DUSP16: variants seen among roughly 807,000 people sequenced by gnomAD.
DUSP16 encodes the protein dual specificity phosphatase 16.
Under a neutral mutation model 58.3 loss-of-function variants are expected in DUSP16, and 21 were observed. That is an observed-to-expected ratio of 0.36 (90% CI 0.26 to 0.52). The LOEUF is 0.52. DUSP16 is among the 20% of genes least tolerant of loss of function. The pLI is 0.94. For missense variants in DUSP16, 726 were observed against 819.0 expected (o/e 0.89, Z 1.39); for synonymous variants, 320 against 323.8 (o/e 0.99, Z 0.12).
chr12:12,524,734 CTATT>C lies in DUSP16; in HGVS notation c.-365-3275_-365-3272del, dbSNP rs1242286440. 3.3e-5 allele frequency among the ~76,000 whole-genome samples: 5 copies of C among 152,260 alleles called. No individual in the cohort carries two copies. The South Asian group carries it at 8.3e-4, about 25-fold the overall frequency. ...AGAGCAGACCAGCTTTGCTATTTAT[CTATT>C]TATTTAGCCAGCTGCTAAAGTTGAA... On this transcript the variant is annotated intron_variant, in intron 1 of 6. Transcript: ENST00000298573.
chr12:12,476,981 C>A lies in DUSP16; in HGVS notation c.1850G>T (p.Ser617Ile). 6.2e-7 allele frequency: 1 copy of A among 1,614,232 alleles called. No homozygotes were observed. Among genetic ancestry groups the A allele is most frequent in the Non-Finnish European group, 8.5e-7 (1 of 1,180,042 alleles). The change falls in exon 7 of 7, where the codon AGC becomes ATC. Residue 617 changes from serine (S) to isoleucine (I), a missense_variant. Transcript: ENST00000298573. ...ADSRRSWHEESPFEKQFKRRS... is the reference protein window; with the variant it reads ...ADSRRSWHEEIPFEKQFKRRS... Reference sequence around the variant, plus strand: ...GCGTTTAAACTGCTTTTCAAAGGGGCTCTCTTCATGCCAGCTCCGCCGCGA... The same window carrying A: ...GCGTTTAAACTGCTTTTCAAAGGGGATCTCTTCATGCCAGCTCCGCCGCGA...
intron 1 of DUSP16, among the ~76,000 whole-genome samples, chr12:12,552,139 G>T (rs1157523826): frequency 1.3e-5 from 2 of 152,128 alleles, no homozygotes; most frequent in African/African-American, 4.8e-5. Flanking sequence ...TTCAGATTCA[G>T]CAGTGCAACT....
At chr12:12,547,254 C>T (rs555887714) in intron 1 of DUSP16, among the ~76,000 whole-genome samples, 2 of 151,786 alleles carry the variant, frequency 1.3e-5, no homozygotes, top group Non-Finnish European at 2.9e-5. Context: ...CATGGCAAAA[C>T]CCCGTCTCTA....
At chr12:12,523,492 C>T (rs769012870) in intron 1 of DUSP16, among the ~76,000 whole-genome samples, 2 of 152,204 alleles carry the variant, frequency 1.3e-5, no homozygotes, top group Admixed American at 6.5e-5. Context: ...ACCTGAGATA[C>T]TGTCTCAACC....
rs1565964455 is a variant in DUSP16 at position 12,476,847 on chromosome 12, T to C, written c.1984A>G (p.Ile662Val). The C allele has an allele frequency of 6.2e-7, 1 of 1,604,260 alleles. No individual in the cohort carries two copies. The change falls in exon 7 of 7, where the codon ATT becomes GTT. Residue 662 changes from isoleucine to valine, a missense_variant. Ile to Val is a conservative substitution (Grantham distance 29). Transcript: ENST00000298573. ...QSSFSGSMEIIEVS is the reference protein window; with the variant it reads ...QSSFSGSMEIVEVS ...TGTCTTTCTTCTCAGGAGACCTCAA[T>C]GATTTCCATGCTGCCCGAAAAGCTA...
At chr12:12,492,749 AC>A (rs1361378691) in intron 4 of DUSP16, among the ~76,000 whole-genome samples, 1 of 151,866 alleles carries the variant, frequency 6.6e-6, no homozygotes, top group Non-Finnish European at 1.5e-5. Flanking sequence ...CCAACACTCT[AC>A]CAAAACTGCT....
At chr12:12,479,373 T>C (rs1189064568) in intron 6 of DUSP16, among the ~76,000 whole-genome samples, 1 of 152,150 alleles carries the variant, frequency 6.6e-6, no homozygotes, top group African/African-American at 2.4e-5. Context: ...AGGGTGCTCA[T>C]AATGAGACTT....
rs1288764981 is a variant in DUSP16 at position 12,520,955 on chromosome 12, G to C, written c.144C>G (p.Ile48Met). 5.6e-6 allele frequency: 9 copies of C among 1,614,182 alleles called. No homozygotes were observed. Among genetic ancestry groups the C allele is most frequent in the Non-Finnish European group, 6.8e-6 (8 of 1,180,032 alleles). The change falls in exon 2 of 7, where the codon ATC (isoleucine) becomes ATG (methionine). Residue 48 changes from isoleucine (I) to methionine (M), a missense_variant. Physicochemically the swap from Ile to Met is conservative, Grantham distance 10. Coordinates refer to ENST00000298573, the MANE Select transcript of DUSP16 (RefSeq NM_030640.3). Reference protein sequence around the residue: ...NTSHILEAININCSKLMKRRL... With the variant: ...NTSHILEAINMNCSKLMKRRL... ...TTCGCTTCATAAGCTTGGAGCAGTT[G>C]ATATTAATGGCTTCCAAAATGTGGG... is the stretch of plus-strand genomic sequence containing the variant.
At chr12:12,511,065 T>C (rs1028658248) in intron 3 of DUSP16, among the ~76,000 whole-genome samples, 2 of 152,216 alleles carry the variant, frequency 1.3e-5, no homozygotes, top group Non-Finnish European at 2.9e-5. Flanking sequence ...TATTGATGCA[T>C]ATTAAACTGG....
chr12:12,553,290 T>C (rs1944759385), intron 1 of DUSP16, among the ~76,000 whole-genome samples: 1 of 152,150 alleles, frequency 6.6e-6, no homozygotes, highest in Non-Finnish European at 1.5e-5. Flanking sequence ...TAAGTATATG[T>C]ATACAAGAGA....
intron 1 of DUSP16, among the ~76,000 whole-genome samples, chr12:12,536,684 G>T (rs764385534): frequency 2.0e-5 from 3 of 151,886 alleles, no homozygotes; most frequent in African/African-American, 7.3e-5. Flanking sequence ...GGCAGAGGTC[G>T]CAGTGAGCCA....
intron 1 of DUSP16, among the ~76,000 whole-genome samples, chr12:12,546,774 C>T (rs1333879533): frequency 6.6e-6 from 1 of 152,128 alleles, no homozygotes; most frequent in Non-Finnish European, 1.5e-5. Context: ...GTATTGTCAG[C>T]ATGAGAACAT....
rs185424403 is a variant in DUSP16, at chr12:12,541,248, C to T, written c.-365-19785G>A. Among the ~76,000 whole-genome samples the T allele has an allele frequency of 2.6e-5, 4 of 152,122 alleles. No homozygotes were observed. In the East Asian group the frequency reaches 7.7e-4, roughly 29 times the overall value. On this transcript the variant is annotated intron_variant, in intron 1 of 6. Coordinates refer to ENST00000298573, the MANE Select transcript of DUSP16 (RefSeq NM_030640.3). ...TCCTGGGATTATGGGCGTGAGCCAC[C>T]GCACCTGGCCACTTGCTGATTCTCA...
At chr12:12,519,329 A>G (rs1477373671) in intron 3 of DUSP16, among the ~76,000 whole-genome samples, 1 of 152,212 alleles carries the variant, frequency 6.6e-6, no homozygotes, top group African/African-American at 2.4e-5. Context: ...GTAACTTTTA[A>G]AACAATTCCC....
At chr12:12,557,235 C>CACGA in intron 1 of DUSP16, among the ~76,000 whole-genome samples, 1 of 152,212 alleles carries the variant, frequency 6.6e-6, no homozygotes, top group East Asian at 1.9e-4. Flanking sequence ...GCGGGTGGAA[C>CACGA]ACGAGGTCAG....
At chr12:12,555,960 G>C (rs1039774697) in intron 1 of DUSP16, among the ~76,000 whole-genome samples, 5 of 152,152 alleles carry the variant, frequency 3.3e-5, no homozygotes, top group African/African-American at 1.2e-4. Context: ...AGAATCCCTT[G>C]AACCGAGGAA....
intron 1 of DUSP16, among the ~76,000 whole-genome samples, chr12:12,532,585 G>C (rs947223582): frequency 1.3e-5 from 2 of 152,264 alleles, no homozygotes; most frequent in East Asian, 1.9e-4. Context: ...TCAGACCCAG[G>C]AACTATTACC....
At chr12:12,558,255 C>G (rs1944840034) in intron 1 of DUSP16, among the ~76,000 whole-genome samples, 2 of 152,200 alleles carry the variant, frequency 1.3e-5, no homozygotes, top group Non-Finnish European at 2.9e-5. Flanking sequence ...CCCTCCCTTT[C>G]AAATAACTCA....
intron 1 of DUSP16, among the ~76,000 whole-genome samples, chr12:12,548,646 AAG>A (rs1491147122): frequency 0.072 from 9,512 of 132,768 alleles, 901 homozygotes; most frequent in East Asian, 0.24. Context: ...AAAAAAAAAA[AAG>A]AAAAAGAAAA....
Sources: gnomAD v4.1 joint callset for allele counts (sites outside exome capture counted in the v4.1 genomes callset) on GRCh38, gnomAD v4.1.1 for gene constraint, MANE v1.5 for transcripts, NCBI Gene and HGNC (gene_info 2026-07-23, HGNC 2026-07-21) for gene names.